The following ACCSL variants were observed in gnomAD, a reference collection of about 807,000 sequenced individuals.
ACCSL encodes 1-aminocyclopropane-1-carboxylate synthase homolog (inactive) like.
Under a neutral mutation model 61.7 loss-of-function variants are expected in ACCSL, and 55 were observed. The observed-to-expected ratio is 0.89, with a 90% confidence interval of 0.72 to 1.12. ACCSL has a LOEUF of 1.12. Ranked by LOEUF, ACCSL falls within the 50% of genes most tolerant of loss-of-function variation. The probability of loss-of-function intolerance (pLI) is 0.00; values close to 1 mark genes in which losing one functional copy is unlikely to be tolerated. For synonymous variants in ACCSL, 258 were observed against 264.3 expected (o/e 0.98, Z 0.23); for missense variants, 632 against 698.0 (o/e 0.91, Z 1.07).
the ACCSL span, among the ~76,000 whole-genome samples, chr11:44,042,659 G>T: frequency 1.0e-3 from 136 of 132,742 alleles, no homozygotes; most frequent in African/African-American, 4.2e-3. Context: ...TGTTTTTTTT[G>T]TTTTTTTAGC....
At chr11:43,965,004 G>A in the ACCSL span, among the ~76,000 whole-genome samples, 18,369 of 152,242 alleles carry the variant, frequency 0.12, 1,144 homozygotes, top group South Asian at 0.14. Context: ...ATGAATGGCT[G>A]AAACTTTCCC....
the ACCSL span, among the ~76,000 whole-genome samples, chr11:43,981,626 A>G: frequency 6.6e-6 from 1 of 152,172 alleles, no homozygotes; most frequent in African/African-American, 2.4e-5. Context: ...GTTGGATGGG[A>G]AGGAATTTGT....
chr11:43,985,322 T>C, the ACCSL span, among the ~76,000 whole-genome samples: 1 of 152,122 alleles, frequency 6.6e-6, no homozygotes, highest in South Asian at 2.1e-4. Context: ...GGGCTGTGTT[T>C]CCTGGCAGGA....
Position 44,056,235 on chromosome 11 carries a change from G to A in ACCSL, c.1236G>A (p.Lys412=). The A allele has an allele frequency of 1.9e-6, 3 of 1,614,222 alleles. No individual in the cohort carries two copies. Among genetic ancestry groups the A allele is most frequent in the Non-Finnish European group, 2.5e-6 (3 of 1,180,040 alleles). The part of the protein sequence containing the change: ...FRFGALYTHN[K]EVASAVSAFG... Reference sequence around the variant, plus strand: ...TTGGTGCTCTGTATACCCACAACAAGGAGGTGGCCTCTGCTGTGAGTGCCT... The same window carrying A: ...TTGGTGCTCTGTATACCCACAACAAAGAGGTGGCCTCTGCTGTGAGTGCCT... The change falls in exon 11 of 14, where the codon AAG becomes AAA. Residue 412 remains lysine, a synonymous_variant. Coordinates refer to ENST00000378832, the MANE Select transcript of ACCSL (RefSeq NM_001031854.2).
chr11:43,959,388 G>T, the ACCSL span, among the ~76,000 whole-genome samples: 1 of 152,250 alleles, frequency 6.6e-6, no homozygotes, highest in Non-Finnish European at 1.5e-5. Flanking sequence ...CCTCAAGATG[G>T]ACTGCTAGCT....
chr11:43,971,189 C>T, the ACCSL span, among the ~76,000 whole-genome samples: 3 of 150,546 alleles, frequency 2.0e-5, no homozygotes, highest in Admixed American at 1.3e-4. Context: ...AAAAATTAGC[C>T]GGGCATGGTG....
chr11:44,043,084 A>C (rs749019214), upstream of ACCSL, among the ~76,000 whole-genome samples: 2 of 152,154 alleles, frequency 1.3e-5, no homozygotes, highest in Non-Finnish European at 2.9e-5. Flanking sequence ...CCCTGTCTCA[A>C]AAATAAACGT....
chr11:44,014,117 A>T, the ACCSL span, among the ~76,000 whole-genome samples: 2 of 152,220 alleles, frequency 1.3e-5, no homozygotes, highest in Non-Finnish European at 2.9e-5. Flanking sequence ...GGCAGGTGCC[A>T]GTTATATACC....
At chr11:43,966,533 A>G in the ACCSL span, among the ~76,000 whole-genome samples, 1 of 152,200 alleles carries the variant, frequency 6.6e-6, no homozygotes, top group African/African-American at 2.4e-5. Context: ...TGCAAATCAT[A>G]TATCTGGTAA....
the ACCSL span, among the ~76,000 whole-genome samples, chr11:44,007,328 C>A: frequency 1.3e-5 from 2 of 152,156 alleles, no homozygotes; most frequent in African/African-American, 4.8e-5. Flanking sequence ...CCTTCCCAGC[C>A]AGACATTCCA....
chr11:43,924,831 G>A, the ACCSL span, among the ~76,000 whole-genome samples: 1 of 152,352 alleles, frequency 6.6e-6, no homozygotes, highest in Admixed American at 6.5e-5. Flanking sequence ...CAGGGCTCCT[G>A]CAGGCCTGGA....
the ACCSL span, among the ~76,000 whole-genome samples, chr11:44,040,271 G>T: frequency 6.6e-6 from 1 of 152,162 alleles, no homozygotes; most frequent in East Asian, 1.9e-4. Context: ...ATCACCTGGT[G>T]GTCTTGATAA....
the ACCSL span, among the ~76,000 whole-genome samples, chr11:43,975,440 C>T: frequency 1.3e-5 from 2 of 152,172 alleles, no homozygotes; most frequent in African/African-American, 4.8e-5. Context: ...GGAGGAGCCT[C>T]AGAATACTAT....
the ACCSL span, among the ~76,000 whole-genome samples, chr11:43,934,692 A>G: frequency 6.6e-6 from 1 of 152,150 alleles, no homozygotes; most frequent in Non-Finnish European, 1.5e-5. Context: ...GGGCAACAGC[A>G]GCTGTGGGAA....
At chr11:44,021,673 T>C in the ACCSL span, among the ~76,000 whole-genome samples, 1 of 152,242 alleles carries the variant, frequency 6.6e-6, no homozygotes, top group Non-Finnish European at 1.5e-5. Flanking sequence ...TTTGGGTTCT[T>C]GGTCATGAAC....
chr11:43,987,887 A>T, the ACCSL span, among the ~76,000 whole-genome samples: 1 of 152,186 alleles, frequency 6.6e-6, no homozygotes, highest in African/African-American at 2.4e-5. Flanking sequence ...CAGGCAGAGA[A>T]GATTTTTCCT....
At chr11:44,014,483 CAGAGAGAGAGAGAGAGAGAGAGAG>C in the ACCSL span, among the ~76,000 whole-genome samples, 1 of 129,028 alleles carries the variant, frequency 7.8e-6, no homozygotes, top group South Asian at 2.8e-4. Flanking sequence ...GAGAGATAGC[CAGAGAGAGAGAGAGAGAGAGAGAG>C]AGAGAGAGAG....
At chr11:44,059,426 A>G (rs752257908) in intron 13 of ACCSL, among the ~76,000 whole-genome samples, 1 of 152,228 alleles carries the variant, frequency 6.6e-6, no homozygotes, top group African/African-American at 2.4e-5. Context: ...TATTTATTGC[A>G]TTCCACTACA....
chr11:44,014,864 C>T, the ACCSL span, among the ~76,000 whole-genome samples: 2 of 152,182 alleles, frequency 1.3e-5, no homozygotes, highest in African/African-American at 2.4e-5. Flanking sequence ...CTCTAAAGCG[C>T]TCTCCGAGCC....
Sources: allele counts gnomAD v4.1 joint callset (sites outside exome capture counted in the v4.1 genomes callset), GRCh38; gene constraint gnomAD v4.1.1; transcripts MANE v1.5; gene names NCBI Gene and HGNC (gene_info 2026-07-23, HGNC 2026-07-21).